The following HGD variants were observed in gnomAD, a reference collection of about 807,000 sequenced individuals.
The protein encoded by HGD is homogentisate oxidase.
HGD carries 61 observed loss-of-function variants against 60.8 expected under a neutral mutation model. The ratio of observed to expected loss-of-function variants is 1.00; its 90% CI spans 0.82 to 1.24. The LOEUF is 1.24. Among genes scored for constraint, HGD ranks in the 50% most tolerant of loss-of-function variants. HGD has a pLI of 0.00. For synonymous variants in HGD, 212 were observed against 187.7 expected (o/e 1.13, Z -1.06); for missense variants, 542 against 547.1 (o/e 0.99, Z 0.09).
chr3:120,649,951 T>A (rs1941287673), intron 6 of HGD, among the ~76,000 whole-genome samples: 1 of 152,036 alleles, frequency 6.6e-6, no homozygotes. Context: ...AGGTCACAGC[T>A]CAGTTCCTCC....
intron 4 of HGD, among the ~76,000 whole-genome samples, chr3:120,654,526 C>T (rs1214665240): frequency 6.6e-6 from 1 of 152,234 alleles, no homozygotes; most frequent in East Asian, 1.9e-4. Context: ...AACCCACCAA[C>T]TGATCAATCA....
chr3:120,655,795 G>A (rs559952272), intron 4 of HGD, among the ~76,000 whole-genome samples: 11 of 152,256 alleles, frequency 7.2e-5, no homozygotes, highest in African/African-American at 2.6e-4. Flanking sequence ...CTCTGTTCCC[G>A]TTTTCTCTGT....
chr3:120,652,196 G>A (rs559824013), intron 5 of HGD, among the ~76,000 whole-genome samples: 59 of 151,830 alleles, frequency 3.9e-4, no homozygotes, highest in East Asian at 9.7e-4. Context: ...TATTTTTATC[G>A]TTATATTTCA....
chr3:120,668,556 GA>G (rs952996801), intron 4 of HGD, among the ~76,000 whole-genome samples: 2 of 151,776 alleles, frequency 1.3e-5, no homozygotes, highest in African/African-American at 4.8e-5. Flanking sequence ...AGGAGGGAGG[GA>G]AAGAGGGCAG....
Position 120,667,443 on chromosome 3 carries a change from A to G in HGD, c.282+2984T>C, listed in dbSNP as rs148900835. Among the ~76,000 whole-genome samples the G allele has an allele frequency of 8.9e-3, 1,357 of 152,070 alleles. 23 individuals carry two copies. The highest frequency in any genetic ancestry group is 0.03 in the African/African-American group (1,254 of 41,492). The stretch of plus-strand genomic sequence containing the variant: ...ATAGTTCCTATGAAAGGGTGTATTC[A>G]TGTTAAATAAAATGTAGCAATGATA... On this transcript the variant is annotated intron_variant, in intron 4 of 13. Coordinates refer to ENST00000283871, the MANE Select transcript of HGD (RefSeq NM_000187.4).
At chr3:120,658,062 T>C (rs1479818497) in intron 4 of HGD, among the ~76,000 whole-genome samples, 1 of 152,076 alleles carries the variant, frequency 6.6e-6, no homozygotes, top group Non-Finnish European at 1.5e-5. Context: ...GGGACACAGA[T>C]CCAAACCATA....
intron 8 of HGD, among the ~76,000 whole-genome samples, chr3:120,646,703 G>A (rs1475504658): frequency 2.6e-5 from 4 of 151,700 alleles, no homozygotes; most frequent in African/African-American, 9.7e-5. Context: ...CCATTAGTGG[G>A]AACAGGGCCT....
At position 120,682,173 on chromosome 3, in the gene HGD, A is replaced by G. The variant is rs1708241850; in HGVS notation, c.-62T>C. 6.6e-7 allele frequency: 1 copy of G among 1,523,544 alleles called. No individual in the cohort carries two copies. Among genetic ancestry groups the G allele is most frequent in the African/African-American group, 1.4e-5 (1 of 73,044 alleles). The allele number at this position is 1,523,544 out of a possible 1,614,324, so 94.4% of individuals were successfully genotyped here. On this transcript the variant is annotated 5_prime_UTR_variant, in exon 1 of 14. Coordinates refer to ENST00000283871, the MANE Select transcript of HGD (RefSeq NM_000187.4). ...CCAGGCCCAGAGGATATAAAGCCAC[A>G]ATGCTTCTTTCTCCTTCAAACCACT...
chr3:120,669,963 C>T (rs541814523), intron 4 of HGD, among the ~76,000 whole-genome samples: 86 of 152,236 alleles, frequency 5.6e-4, no homozygotes, highest in Admixed American at 1.2e-3. Context: ...TCCCATAATC[C>T]TCACGTTTTG....
At chr3:120,661,265 T>C (rs1180003698) in intron 4 of HGD, among the ~76,000 whole-genome samples, 2 of 152,250 alleles carry the variant, frequency 1.3e-5, no homozygotes, top group African/African-American at 2.4e-5. Flanking sequence ...GTCTTCCAAA[T>C]TGACCTTTGT....
At chr3:120,679,741 T>C (rs1708199803) in intron 1 of HGD, among the ~76,000 whole-genome samples, 1 of 152,140 alleles carries the variant, frequency 6.6e-6, no homozygotes, top group South Asian at 2.1e-4. Context: ...CCAAGGAATG[T>C]GGGTAGCCTC....
chr3:120,662,560 G>A (rs527799501), intron 4 of HGD, among the ~76,000 whole-genome samples: 1 of 152,232 alleles, frequency 6.6e-6, no homozygotes, highest in East Asian at 1.9e-4. Context: ...AAGTCCCCTG[G>A]TAACTCTTAT....
At chr3:120,669,459 A>G (rs1196188827) in intron 4 of HGD, among the ~76,000 whole-genome samples, 1 of 151,160 alleles carries the variant, frequency 6.6e-6, no homozygotes, top group African/African-American at 2.4e-5. Context: ...ACACACACAC[A>G]CACACACACA....
Position 120,641,583 on chromosome 3 carries a change from A to C in HGD, c.879+6T>G. On this transcript the variant is annotated splice_donor_region_variant and intron_variant, in intron 11 of 13. Coordinates refer to ENST00000283871, the MANE Select transcript of HGD (RefSeq NM_000187.4). ...ATCCCAAGGCCCCTACAGGGTTCAGACTTACTGCATGGTCAAAGGCCACTG... is the reference window on the plus strand; with the variant it reads ...ATCCCAAGGCCCCTACAGGGTTCAGCCTTACTGCATGGTCAAAGGCCACTG... 1 of 1,598,900 alleles carries C rather than the reference A, an allele frequency of 6.3e-7. No individual in the cohort carries two copies. The highest frequency in any genetic ancestry group is 8.6e-7 in the Non-Finnish European group (1 of 1,166,236).
At position 120,650,003 on chromosome 3, in the gene HGD, A is replaced by T. The variant is rs138596745; in HGVS notation, c.434+771T>A. On this transcript the variant is annotated intron_variant, in intron 6 of 13. Coordinates refer to ENST00000283871, the MANE Select transcript of HGD (RefSeq NM_000187.4). ...GTGGGAAACAAATAATCTAAGAATG[A>T]GGAAAGACAAGGAGAAAGGTGCCTC... Among the ~76,000 whole-genome samples, 1,081 of 152,338 alleles carry T rather than the reference A, an allele frequency of 7.1e-3. 11 individuals carry two copies. Among genetic ancestry groups the T allele is most frequent in the African/African-American group, 0.024 (1,006 of 41,572 alleles).
chr3:120,630,474 ACCTATAACCAT>A (rs1215783896), intron 13 of HGD, among the ~76,000 whole-genome samples: 1 of 152,204 alleles, frequency 6.6e-6, no homozygotes, highest in South Asian at 2.1e-4. Context: ...AAGGCCGCAC[ACCTATAACCAT>A]CCGATTTTCA....
In HGD at chr3:120,670,481, A is replaced by T; in HGVS notation, c.228T>A (p.Ile76=). ...PSVSHKPFES[I]DEGQVTHNWD... is the part of the protein sequence containing the mutation. ...AGTTGTGAGTGACTTGGCCTTCGTC[A>T]ATGGATTCAAAGGGCTTGTGAGAAA... Residue 76 remains isoleucine, a synonymous_variant, in exon 4 of 14, where the codon ATT becomes ATA. Coordinates refer to ENST00000283871, the MANE Select transcript of HGD (RefSeq NM_000187.4). The T allele has an allele frequency of 6.2e-7, 1 of 1,611,662 alleles. No individual in the cohort carries two copies. The highest frequency in any genetic ancestry group is 8.5e-7 in the Non-Finnish European group (1 of 1,177,780).
In HGD at chr3:120,675,754, G is replaced by C. The variant is rs371013451; in HGVS notation, c.87+38C>G. On this transcript the variant is annotated intron_variant, in intron 2 of 13. Coordinates refer to ENST00000283871, the MANE Select transcript of HGD (RefSeq NM_000187.4). ...CCTGAAAGCTAGTCATCCAGGAATA[G>C]GATTCAGAGCTCTTCTAAGCACTTT... is the stretch of plus-strand genomic sequence containing the variant. The C allele has an allele frequency of 1.8e-4, 271 of 1,515,930 alleles. 2 individuals carry two copies. The African/African-American group carries it at 3.4e-3, about 19-fold the overall frequency. The allele number at this position is 1,515,930 out of a possible 1,614,324, so 93.9% of individuals were successfully genotyped here. A position where few individuals can be genotyped will look rare whatever the true frequency, so the allele number is the denominator to read the frequency against.
chr3:120,633,703 T>C, intron 12 of HGD: 3 of 796,668 alleles, frequency 3.8e-6, no homozygotes, highest in Non-Finnish European at 5.5e-6. Flanking sequence ...AGTTATCTTA[T>C]CTCCCAGATC....
Sources: allele counts gnomAD v4.1 joint callset (sites outside exome capture counted in the v4.1 genomes callset), GRCh38; gene constraint gnomAD v4.1.1; transcripts MANE v1.5; gene names NCBI Gene and HGNC (gene_info 2026-07-23, HGNC 2026-07-21).